BPHL: variants seen among roughly 807,000 people sequenced by gnomAD.
The protein encoded by BPHL is biphenyl hydrolase like.
BPHL carries 27 observed loss-of-function variants against 31.2 expected under a neutral mutation model. The observed-to-expected ratio is 0.87, with a 90% CI of 0.64 to 1.19. BPHL has a LOEUF of 1.19. Ranked by LOEUF, BPHL falls within the 50% of genes most tolerant of loss-of-function variation. BPHL has a pLI of 0.00. For missense variants in BPHL, 356 were observed against 375.7 expected (o/e 0.95, Z 0.43); for synonymous variants, 150 against 146.8 (o/e 1.02, Z -0.16).
intron 6 of BPHL, among the ~76,000 whole-genome samples, chr6:3,142,267 C>T (rs191335601): frequency 1.3e-4 from 19 of 151,864 alleles, no homozygotes; most frequent in African/African-American, 4.1e-4. Context: ...TACAGGCACC[C>T]GCCACCACGC....
At chr6:3,121,291 CTTTTTTTTTTTTTTTT>C (rs67332286) in intron 1 of BPHL, among the ~76,000 whole-genome samples, 4 of 80,380 alleles carry the variant, frequency 5.0e-5, no homozygotes, top group Admixed American at 1.4e-4. Context: ...ATAGCAGTTT[CTTTTTTTTTTTTTTTT>C]TTTTTTTTTT....
chr6:3,134,042 G>A (rs1761941671), intron 4 of BPHL, among the ~76,000 whole-genome samples: 1 of 151,998 alleles, frequency 6.6e-6, no homozygotes, highest in African/African-American at 2.4e-5. Flanking sequence ...ATCTTATTGG[G>A]GTCTTAATTT....
At chr6:3,120,509 G>T (rs1431576145) in intron 1 of BPHL, among the ~76,000 whole-genome samples, 1 of 152,190 alleles carries the variant, frequency 6.6e-6, no homozygotes, top group African/African-American at 2.4e-5. Flanking sequence ...GGGAAAACAA[G>T]CAGTGGTATT....
chr6:3,127,675 AC>A (rs140653218), intron 3 of BPHL, among the ~76,000 whole-genome samples: 2,439 of 152,290 alleles, frequency 0.016, 50 homozygotes, highest in African/African-American at 0.055. Flanking sequence ...GCATCGTGCT[AC>A]ACCTAACGTT....
At chr6:3,152,183 C>A (rs1005881945) in intron 6 of BPHL, among the ~76,000 whole-genome samples, 3 of 152,228 alleles carry the variant, frequency 2.0e-5, no homozygotes, top group African/African-American at 7.2e-5. Context: ...TCACCTCCCC[C>A]ACTCTCAGTC....
chr6:3,145,758 G>A (rs1030922634), intron 6 of BPHL, among the ~76,000 whole-genome samples: 1 of 49,298 alleles, frequency 2.0e-5, no homozygotes, highest in African/African-American at 7.8e-5. Context: ...GGTTTGGGTC[G>A]AGTGCTGGTT....
intron 1 of BPHL, chr6:3,119,539 T>A: frequency 1.9e-6 from 3 of 1,613,600 alleles, no homozygotes; most frequent in Non-Finnish European, 2.5e-6. Flanking sequence ...AAAACTGGAT[T>A]AATTTCTGAC....
At chr6:3,120,566 G>A (rs1761541819) in intron 1 of BPHL, among the ~76,000 whole-genome samples, 1 of 152,134 alleles carries the variant, frequency 6.6e-6, no homozygotes, top group African/African-American at 2.4e-5. Context: ...TAGGTAAAAG[G>A]ATTCGTGTAA....
chr6:3,152,345 G>A, intron 6 of BPHL, 143 bp from the exon 7 acceptor site: 2 of 655,450 alleles, frequency 3.1e-6, no homozygotes, highest in Non-Finnish European at 2.6e-6. Context: ...AGATTGATGG[G>A]TTACATTTTT....
chr6:3,137,455 G>A lies in BPHL; in HGVS notation c.626G>A (p.Trp209Ter). 1 of 1,613,508 alleles carries A rather than the reference G, an allele frequency of 6.2e-7. No individual in the cohort carries two copies. Among genetic ancestry groups the A allele is most frequent in the Non-Finnish European group, 8.5e-7 (1 of 1,179,964 alleles). ...YDYFARTCEK[W>*]VDGIRQFKHL... ...TACTTTGCCAGAACCTGTGAAAAGTGGGTGGATGGCATAAGACAGTTTAAA... is the reference window on the plus strand; with the variant it reads ...TACTTTGCCAGAACCTGTGAAAAGTAGGTGGATGGCATAAGACAGTTTAAA... Residue 209 changes from tryptophan (W) to a stop codon, truncating the protein, a stop_gained, in exon 5 of 7, where the codon TGG becomes TAG. Coordinates refer to ENST00000380379, the MANE Select transcript of BPHL (RefSeq NM_004332.4). LOFTEE classifies it high-confidence loss of function.
At chr6:3,127,897 T>C (rs1378909404) in intron 3 of BPHL, among the ~76,000 whole-genome samples, 1 of 152,046 alleles carries the variant, frequency 6.6e-6, no homozygotes, top group African/African-American at 2.4e-5. Context: ...CTTGGCTCAC[T>C]GCAACCTCTG....
At chr6:3,136,033 G>A (rs563046465) in intron 4 of BPHL, among the ~76,000 whole-genome samples, 1 of 152,260 alleles carries the variant, frequency 6.6e-6, no homozygotes, top group South Asian at 2.1e-4. Context: ...TGTATTTTCA[G>A]GGTTCTGTTT....
intron 4 of BPHL, among the ~76,000 whole-genome samples, chr6:3,133,608 G>A (rs1029315826): frequency 1.4e-4 from 22 of 151,860 alleles, no homozygotes; most frequent in African/African-American, 3.9e-4. Context: ...AGCAGGTGGC[G>A]GGCTCCTGCC....
At chr6:3,125,609 T>A (rs1277775036) in intron 2 of BPHL, among the ~76,000 whole-genome samples, 1 of 152,198 alleles carries the variant, frequency 6.6e-6, no homozygotes, top group Non-Finnish European at 1.5e-5. Context: ...TTTTAGACTG[T>A]TCTTTTTTCC....
At position 3,136,855 on chromosome 6, in the gene BPHL, C is replaced by T. The variant is rs148211174; in HGVS notation, c.533-507C>T. Among the ~76,000 whole-genome samples, 48 of 152,332 alleles carry T rather than the reference C, an allele frequency of 3.2e-4. No homozygotes were observed. In the East Asian group the frequency reaches 5.4e-3, roughly 17 times the overall value. On this transcript the variant is annotated intron_variant, in intron 4 of 6. Transcript: ENST00000380379. ...GAAGTTTGGTACTTAGCCTTTTACA[C>T]CCATATTTCTTCGGTAGCAGAAATT...
At chr6:3,132,766 G>A (rs949059004) in intron 4 of BPHL, among the ~76,000 whole-genome samples, 18 of 152,302 alleles carry the variant, frequency 1.2e-4, no homozygotes, top group African/African-American at 4.1e-4. Context: ...GGGAGGTTGA[G>A]GCTGCCGTGA....
At chr6:3,123,599 C>G in intron 1 of BPHL, 58 bp from the exon 2 acceptor site, 1 of 1,483,354 alleles carries the variant, frequency 6.7e-7, no homozygotes, top group East Asian at 2.3e-5. Flanking sequence ...TTTGAATCAA[C>G]TAAGAAATCT....
At position 3,140,445 on chromosome 6, in the gene BPHL, G is replaced by A. The variant is rs1193389744; in HGVS notation, c.724G>A (p.Glu242Lys). ...VQCPALIVHG[E>K]KDPLVPRFHA... is the part of the protein sequence containing the mutation. ...GTGCCCCGCCTTGATTGTGCACGGT[G>A]AGAAGGATCCTCTGGTCCCACGGTT... is the stretch of plus-strand genomic sequence containing the variant. Residue 242 changes from glutamate (E) to lysine (K), a missense_variant, in exon 6 of 7, where the codon GAG becomes AAG. Physicochemically the swap from Glu to Lys is moderately conservative, Grantham distance 56. Coordinates refer to ENST00000380379, the MANE Select transcript of BPHL (RefSeq NM_004332.4). The surrounding 1 kb of genome is among the most constrained non-coding windows in gnomAD (Gnocchi z 5.2). The A allele has an allele frequency of 1.2e-6, 2 of 1,614,148 alleles. No homozygotes were observed. Among genetic ancestry groups the A allele is most frequent in the Non-Finnish European group, 1.7e-6 (2 of 1,180,028 alleles).
intron 6 of BPHL, among the ~76,000 whole-genome samples, chr6:3,145,330 G>T (rs772563577): frequency 0.023 from 1,139 of 49,958 alleles, 1 homozygote; most frequent in African/African-American, 0.048. Context: ...GGTTCGGGGT[G>T]GAGTGCTGGT....
Sources: allele counts gnomAD v4.1 joint callset (sites outside exome capture counted in the v4.1 genomes callset), GRCh38; gene constraint gnomAD v4.1.1; non-coding constraint Gnocchi (gnomAD v3.1); transcripts MANE v1.5; gene names NCBI Gene and HGNC (gene_info 2026-07-23, HGNC 2026-07-21).